The following SLC24A2 variants were observed in gnomAD, a reference collection of about 807,000 sequenced individuals.
The protein encoded by SLC24A2 is solute carrier family 24 member 2.
Under a neutral mutation model 62.0 loss-of-function variants are expected in SLC24A2, and 36 were observed. That is an observed-to-expected ratio of 0.58 (90% CI 0.44 to 0.77). The LOEUF (loss-of-function observed/expected upper bound fraction) is 0.77, where lower values mean the gene tolerates loss of function less well. Among genes scored for constraint, SLC24A2 ranks in the 30% least tolerant of loss-of-function variants. The pLI, the probability that SLC24A2 is intolerant of heterozygous loss-of-function variation, is 0.00. For synonymous variants in SLC24A2, 358 were observed against 294.0 expected (o/e 1.22, Z -2.23); for missense variants, 846 against 817.9 (o/e 1.03, Z -0.42).
intron 9 of SLC24A2, among the ~76,000 whole-genome samples, chr9:19,526,857 T>C (rs1240665732): frequency 6.6e-6 from 1 of 152,106 alleles, no homozygotes; most frequent in Non-Finnish European, 1.5e-5. Flanking sequence ...ATGAAATTAA[T>C]TAATCAATTT....
the SLC24A2 span, among the ~76,000 whole-genome samples, chr9:20,060,152 A>C: frequency 2.6e-5 from 4 of 152,148 alleles, no homozygotes; most frequent in African/African-American, 4.8e-5. Flanking sequence ...AAACTGAATT[A>C]GTAATAAAAA....
the SLC24A2 span, among the ~76,000 whole-genome samples, chr9:19,834,930 T>C: frequency 6.6e-6 from 1 of 152,124 alleles, no homozygotes; most frequent in Admixed American, 6.5e-5. Context: ...TCAACATTCT[T>C]AAAGAAAAGA....
At chr9:19,597,395 G>A (rs898002423) in intron 4 of SLC24A2, 116 bp from the exon 5 acceptor site, 4 of 766,176 alleles carry the variant, frequency 5.2e-6, no homozygotes, top group African/African-American at 1.7e-5. Flanking sequence ...TTTTGCAATC[G>A]TAACTATATG....
chr9:20,280,331 AGAGGGAGGT>A, the SLC24A2 span, among the ~76,000 whole-genome samples: 1 of 152,140 alleles, frequency 6.6e-6, no homozygotes, highest in East Asian at 1.9e-4. Flanking sequence ...ATTGGCCTTC[AGAGGGAGGT>A]GAGGAGATGG....
rs559923617 is a variant in SLC24A2 at position 19,750,572 on chromosome 9, G to A, written c.930+35365C>T. The stretch of plus-strand genomic sequence containing the variant: ...CAACAACAGCAAAAGGGTCTGAACT[G>A]AGCTCTGCCCCCGTCCAGCCATTTT... On this transcript the variant is annotated intron_variant, in intron 2 of 10. Transcript: ENST00000341998. 1.2e-3 allele frequency among the ~76,000 whole-genome samples: 175 copies of A among 152,166 alleles called. 2 individuals carry two copies. Among genetic ancestry groups the A allele is most frequent in the African/African-American group, 3.6e-3 (151 of 41,520 alleles).
chr9:20,015,012 T>A, the SLC24A2 span, among the ~76,000 whole-genome samples: 44 of 152,080 alleles, frequency 2.9e-4, no homozygotes, highest in Non-Finnish European at 4.9e-4. Context: ...AGAATTATAG[T>A]TTGTCTATCA....
chr9:19,923,134 TG>T, the SLC24A2 span, among the ~76,000 whole-genome samples: 1 of 152,082 alleles, frequency 6.6e-6, no homozygotes, highest in East Asian at 1.9e-4. Flanking sequence ...GTGGATAAAT[TG>T]GCATGGCTGG....
chr9:19,759,962 C>T (rs1014894022), intron 2 of SLC24A2, among the ~76,000 whole-genome samples: 2 of 152,160 alleles, frequency 1.3e-5, no homozygotes, highest in African/African-American at 4.8e-5. Flanking sequence ...CCTGGCTTCT[C>T]AAGCAGTACA....
chr9:20,304,278 C>G, the SLC24A2 span, among the ~76,000 whole-genome samples: 1 of 152,070 alleles, frequency 6.6e-6, no homozygotes, highest in Admixed American at 6.5e-5. Context: ...TTCCTAAACT[C>G]TCATCCCACA....
At chr9:19,653,448 T>C (rs1362905036) in intron 2 of SLC24A2, among the ~76,000 whole-genome samples, 1 of 152,210 alleles carries the variant, frequency 6.6e-6, no homozygotes, top group Non-Finnish European at 1.5e-5. Context: ...GATGCAACTA[T>C]AAGCTAGTGC....
chr9:19,780,456 C>T (rs1822980081), intron 2 of SLC24A2, among the ~76,000 whole-genome samples: 1 of 151,220 alleles, frequency 6.6e-6, no homozygotes, highest in Admixed American at 6.6e-5. Context: ...TTAGTAGAGA[C>T]GGGGTTTCAC....
chr9:20,059,676 T>C, the SLC24A2 span, among the ~76,000 whole-genome samples: 2 of 152,066 alleles, frequency 1.3e-5, no homozygotes, highest in African/African-American at 4.8e-5. Context: ...TATAACAAGC[T>C]GTAAATGCCT....
intron 2 of SLC24A2, among the ~76,000 whole-genome samples, chr9:19,779,216 G>A (rs2118920882): frequency 6.6e-6 from 1 of 152,298 alleles, no homozygotes; most frequent in Admixed American, 6.5e-5. Flanking sequence ...TTGGGGTAGA[G>A]GCAAAATTGT....
intron 2 of SLC24A2, among the ~76,000 whole-genome samples, chr9:19,664,888 A>T (rs1220372109): frequency 6.6e-6 from 1 of 152,214 alleles, no homozygotes; most frequent in Non-Finnish European, 1.5e-5. Context: ...GGCTCTGCCA[A>T]TACCTTGATG....
chr9:20,018,149 A>T, the SLC24A2 span, among the ~76,000 whole-genome samples: 1 of 152,042 alleles, frequency 6.6e-6, no homozygotes, highest in African/African-American at 2.4e-5. Context: ...GGGTTTCACC[A>T]TGTTAGCCAG....
the SLC24A2 span, among the ~76,000 whole-genome samples, chr9:19,966,346 T>C: frequency 6.6e-6 from 1 of 152,204 alleles, no homozygotes; most frequent in Admixed American, 6.6e-5. Context: ...TTTGTGTGCA[T>C]ATAATAATGG....
the SLC24A2 span, among the ~76,000 whole-genome samples, chr9:19,921,391 C>T: frequency 5.3e-5 from 8 of 151,730 alleles, no homozygotes; most frequent in Admixed American, 2.6e-4. Context: ...GGCATGGTGG[C>T]GGGCGCCTGT....
chr9:20,187,801 G>A, the SLC24A2 span, among the ~76,000 whole-genome samples: 1 of 152,082 alleles, frequency 6.6e-6, no homozygotes, highest in African/African-American at 2.4e-5. Context: ...TCTGTTTATG[G>A]TCAGTCTCCC....
the SLC24A2 span, among the ~76,000 whole-genome samples, chr9:20,293,791 T>C: frequency 6.6e-6 from 1 of 152,048 alleles, no homozygotes; most frequent in Non-Finnish European, 1.5e-5. Flanking sequence ...CTACAAGGGG[T>C]CCTCCTAGAG....
Sources: allele counts gnomAD v4.1 joint callset (sites outside exome capture counted in the v4.1 genomes callset), GRCh38; gene constraint gnomAD v4.1.1; transcripts MANE v1.5; gene names NCBI Gene and HGNC (gene_info 2026-07-23, HGNC 2026-07-21).